Variants in RAB38 observed in about 807,000 individuals in gnomAD.
RAB38 encodes the protein ras-related protein Rab-38.
A neutral mutation model predicts 18.4 loss-of-function variants in RAB38; 15 were observed. The observed-to-expected ratio is 0.82, with a 90% CI of 0.55 to 1.26. RAB38 has a LOEUF of 1.26. Among genes scored for constraint, RAB38 ranks in the 50% most tolerant of loss-of-function variants. The probability of loss-of-function intolerance (pLI) is 0.00; values close to 1 mark genes in which losing one functional copy is unlikely to be tolerated. For synonymous variants in RAB38, 101 were observed against 104.4 expected (o/e 0.97, Z 0.20); for missense variants, 294 against 267.4 (o/e 1.10, Z -0.69).
the RAB38 span, among the ~76,000 whole-genome samples, chr11:88,023,476 T>C: frequency 2.0e-5 from 3 of 151,934 alleles, no homozygotes; most frequent in South Asian, 2.1e-4. Context: ...ATATTACCCA[T>C]AGCAATATAC....
At chr11:88,043,609 C>CT in the RAB38 span, among the ~76,000 whole-genome samples, 17 of 141,284 alleles carry the variant, frequency 1.2e-4, no homozygotes, top group Admixed American at 1.4e-4. Flanking sequence ...GTGACCCCCC[C>CT]ACCCTGCCCA....
chr11:87,930,721 C>A, the RAB38 span, among the ~76,000 whole-genome samples: 71 of 152,220 alleles, frequency 4.7e-4, no homozygotes, highest in African/African-American at 1.3e-3. Flanking sequence ...AGTCTTTAAT[C>A]CATCTTGAAT....
At chr11:88,078,250 G>A in the RAB38 span, among the ~76,000 whole-genome samples, 1 of 152,046 alleles carries the variant, frequency 6.6e-6, no homozygotes. Context: ...ACGGAAAACT[G>A]TGTGGAGGTT....
chr11:88,021,389 A>G, the RAB38 span, among the ~76,000 whole-genome samples: 1 of 152,112 alleles, frequency 6.6e-6, no homozygotes, highest in Non-Finnish European at 1.5e-5. Flanking sequence ...TGAACCATGA[A>G]GAAATTAAAA....
the RAB38 span, among the ~76,000 whole-genome samples, chr11:87,864,600 C>T: frequency 6.6e-6 from 1 of 151,364 alleles, no homozygotes; most frequent in Non-Finnish European, 1.5e-5. Context: ...ATATTTTATC[C>T]TTTAATTAGG....
chr11:88,169,657 C>A (rs1002980752), intron 1 of RAB38, among the ~76,000 whole-genome samples: 1 of 152,190 alleles, frequency 6.6e-6, no homozygotes, highest in Admixed American at 6.5e-5. Context: ...AGTTGTGCAG[C>A]CCTGACGCAC....
At chr11:87,827,067 C>G in the RAB38 span, among the ~76,000 whole-genome samples, 1 of 152,064 alleles carries the variant, frequency 6.6e-6, no homozygotes, top group Non-Finnish European at 1.5e-5. Flanking sequence ...AGTACCTTGC[C>G]TAACATGGAC....
the RAB38 span, among the ~76,000 whole-genome samples, chr11:87,949,276 C>A: frequency 6.6e-6 from 1 of 152,100 alleles, no homozygotes; most frequent in Non-Finnish European, 1.5e-5. Flanking sequence ...TGATTCTTCT[C>A]TCTTTTCTTC....
chr11:88,017,975 T>A, the RAB38 span, among the ~76,000 whole-genome samples: 44 of 151,398 alleles, frequency 2.9e-4, no homozygotes, highest in South Asian at 9.2e-3. Flanking sequence ...TAAAGGGGAG[T>A]TTCCCTGCAC....
the RAB38 span, among the ~76,000 whole-genome samples, chr11:87,945,071 T>C: frequency 1.3e-5 from 2 of 151,988 alleles, no homozygotes; most frequent in African/African-American, 4.8e-5. Context: ...AAAAGACACA[T>C]GGGTAAATTT....
the RAB38 span, among the ~76,000 whole-genome samples, chr11:88,013,474 C>T: frequency 6.6e-6 from 1 of 151,862 alleles, no homozygotes; most frequent in Non-Finnish European, 1.5e-5. Context: ...ATGACTGGAA[C>T]AAAAGGAAAA....
chr11:87,887,863 TAAC>T, the RAB38 span, among the ~76,000 whole-genome samples: 2 of 151,910 alleles, frequency 1.3e-5, no homozygotes, highest in Non-Finnish European at 2.9e-5. Flanking sequence ...CAAAATGTAA[TAAC>T]AATATAAGAA....
the RAB38 span, among the ~76,000 whole-genome samples, chr11:87,931,196 G>C: frequency 1.3e-5 from 2 of 152,110 alleles, no homozygotes; most frequent in Admixed American, 1.3e-4. Context: ...CTACCCATGA[G>C]CATGGAATGT....
At chr11:87,851,630 A>G in the RAB38 span, among the ~76,000 whole-genome samples, 7 of 152,186 alleles carry the variant, frequency 4.6e-5, no homozygotes, top group Non-Finnish European at 8.8e-5. Flanking sequence ...CAGATAGTAT[A>G]TAGCTGGGGA....
At chr11:88,169,619 G>A (rs900114045) in intron 1 of RAB38, among the ~76,000 whole-genome samples, 1 of 152,196 alleles carries the variant, frequency 6.6e-6, no homozygotes, top group African/African-American at 2.4e-5. Context: ...GACTGAATTA[G>A]AGGGCCAGAT....
chr11:88,164,732 G>A (rs1943228520), intron 1 of RAB38, among the ~76,000 whole-genome samples: 1 of 151,948 alleles, frequency 6.6e-6, no homozygotes, highest in Non-Finnish European at 1.5e-5. Flanking sequence ...GAGGCACAAT[G>A]AAAAAATCCA....
chr11:88,092,378 GAGAGAGAGAGAGAGAGAGAGA>G, the RAB38 span, among the ~76,000 whole-genome samples: 4 of 27,994 alleles, frequency 1.4e-4, no homozygotes, highest in African/African-American at 4.7e-4. Context: ...GAGAGAGAGA[GAGAGAGAGAGAGAGAGAGAGA>G]GAGAGAGAGA....
the RAB38 span, among the ~76,000 whole-genome samples, chr11:87,849,406 C>G: frequency 2.0e-5 from 3 of 152,126 alleles, no homozygotes; most frequent in Non-Finnish European, 4.4e-5. Context: ...TCTGTTTGCT[C>G]AGCGCTGACT....
At chr11:88,035,190 G>A in the RAB38 span, among the ~76,000 whole-genome samples, 3 of 152,128 alleles carry the variant, frequency 2.0e-5, no homozygotes, top group East Asian at 1.9e-4. Flanking sequence ...TACTGTATGA[G>A]TAATTTCTTC....
Sources: gnomAD v4.1 joint callset for allele counts (sites outside exome capture counted in the v4.1 genomes callset) on GRCh38, gnomAD v4.1.1 for gene constraint, MANE v1.5 for transcripts, NCBI Gene and HGNC (gene_info 2026-07-23, HGNC 2026-07-21) for gene names.